The following RAB11FIP3 variants were observed in gnomAD, a reference collection of about 807,000 sequenced individuals.
RAB11FIP3 encodes RAB11 family interacting protein 3.
A neutral mutation model predicts 77.8 loss-of-function variants in RAB11FIP3; 17 were observed. That is an observed-to-expected ratio of 0.22 (90% confidence interval 0.15 to 0.33). The LOEUF is 0.33. Among genes scored for constraint, RAB11FIP3 ranks in the 10% least tolerant of loss-of-function variants. The probability of loss-of-function intolerance (pLI) is 1.00; values close to 1 mark genes in which losing one functional copy is unlikely to be tolerated. For synonymous variants in RAB11FIP3, 437 were observed against 448.2 expected, an observed-to-expected ratio of 0.98 and a Z score of 0.31; for missense variants, 1,005 against 1,011.2, an observed-to-expected ratio of 0.99 and a Z score of 0.08.
At chr16:466,835 G>T (rs2055708836) in intron 2 of RAB11FIP3, among the ~76,000 whole-genome samples, 1 of 152,184 alleles carries the variant, frequency 6.6e-6, no homozygotes, top group African/African-American at 2.4e-5. Flanking sequence ...TGACAGATGG[G>T]CCTGGGAGGG....
At chr16:438,791 G>T (rs569575838) in intron 1 of RAB11FIP3, among the ~76,000 whole-genome samples, 12 of 151,822 alleles carry the variant, frequency 7.9e-5, no homozygotes, top group African/African-American at 2.9e-4. Context: ...CCAGGTTCAA[G>T]TGATTCTCCT....
In RAB11FIP3 at chr16:458,538, GCCCACAGGGCCTGGGGGGCC is replaced by G. The variant is rs1201644804; in HGVS notation, c.715-2865_715-2846del. Among the ~76,000 whole-genome samples, 57 of 143,778 alleles carry G rather than the reference GCCCACAGGGCCTGGGGGGCC, an allele frequency of 4.0e-4. 1 individual carries two copies. The highest frequency in any genetic ancestry group is 1.2e-3 in the African/African-American group (47 of 38,308). 94.3% of individuals were successfully genotyped at this position (143,778 alleles called of 152,430 possible). On this transcript the variant is annotated intron_variant, in intron 1 of 13. Coordinates refer to ENST00000262305, the MANE Select transcript of RAB11FIP3 (RefSeq NM_014700.4). Reference sequence around the variant, plus strand: ...GGGGGCCTTCCTCGGGTTCACCGATGCCCACAGGGCCTGGGGGGCCTTCCTCGGGTTCACCGATGCCCACA... The same window carrying G: ...GGGGGCCTTCCTCGGGTTCACCGATGTTCCTCGGGTTCACCGATGCCCACA...
Position 521,004 on chromosome 16 carries a change from C to G in RAB11FIP3, c.*165C>G. Reference sequence around the variant, plus strand: ...TGGGGCCGCCAAAGACCGGGGCTGCCAAAGGGGCAGAGGGTGGTGGAGAGG... The same window carrying G: ...TGGGGCCGCCAAAGACCGGGGCTGCGAAAGGGGCAGAGGGTGGTGGAGAGG... On this transcript the variant is annotated 3_prime_UTR_variant, in exon 14 of 14. Coordinates refer to ENST00000262305, the MANE Select transcript of RAB11FIP3 (RefSeq NM_014700.4). The G allele has an allele frequency of 1.6e-6, 1 of 643,422 alleles. No homozygotes were observed. The highest frequency in any genetic ancestry group is 2.8e-6 in the Non-Finnish European group (1 of 358,730). 39.9% of individuals were successfully genotyped at this position (643,422 alleles called of 1,614,324 possible).
chr16:502,864 C>A, intron 6 of RAB11FIP3, 140 bp from the exon 7 acceptor site: 1 of 711,458 alleles, frequency 1.4e-6, no homozygotes, highest in Non-Finnish European at 2.5e-6. Context: ...TGGGAGAAGA[C>A]CACCACCCAG....
At chr16:437,158 G>T (rs192001700) in intron 1 of RAB11FIP3, among the ~76,000 whole-genome samples, 1 of 151,880 alleles carries the variant, frequency 6.6e-6, no homozygotes, top group Admixed American at 6.6e-5. Context: ...GGCACCTATA[G>T]TCCCAGCTAC....
intron 1 of RAB11FIP3, among the ~76,000 whole-genome samples, chr16:434,369 G>C (rs6600218): frequency 0.58 from 88,182 of 152,030 alleles, 27,150 homozygotes; most frequent in African/African-American, 0.8. Flanking sequence ...AGTGATCTGC[G>C]TGCCGCAGCC....
chr16:502,835 C>T lies in RAB11FIP3; in HGVS notation c.1302-169C>T, dbSNP rs74003951. 4.6e-3 allele frequency: 2,963 copies of T among 638,864 alleles called. 60 individuals carry two copies. In the African/African-American group the frequency reaches 0.049, roughly 10 times the overall value. The allele number at this position is 638,864 out of a possible 1,614,324, so 39.6% of individuals were successfully genotyped here. On this transcript the variant is annotated intron_variant, in intron 6 of 13. Transcript: ENST00000262305. ...AAGATGTCCAGCCTGGGACCTCCCC[C>T]TGTATATAGTGCTTTAAGTGGGAGA...
In RAB11FIP3 at chr16:506,864, G is replaced by T. The variant is rs1214040186; in HGVS notation, c.1499+1237G>T. ...GTGGAGAGGGGCCAGGCATGCTGGT[G>T]AAGGGGCTGGACTCCCGTAGTGCGC... is the stretch of plus-strand genomic sequence containing the variant. On this transcript the variant is annotated intron_variant, in intron 8 of 13. Transcript: ENST00000262305. The surrounding 1 kb of genome is among the most constrained non-coding windows in gnomAD (Gnocchi z 4.5). Among the ~76,000 whole-genome samples, 1 of 152,344 alleles carries T rather than the reference G, an allele frequency of 6.6e-6. No homozygotes were observed. Among genetic ancestry groups the T allele is most frequent in the East Asian group, 1.9e-4 (1 of 5,182 alleles).
intron 9 of RAB11FIP3, among the ~76,000 whole-genome samples, chr16:517,213 C>T (rs1033080497): frequency 4.6e-5 from 7 of 152,168 alleles, no homozygotes; most frequent in Non-Finnish European, 8.8e-5. Flanking sequence ...TGCTCGACAC[C>T]GTCAAGGTCG....
chr16:485,297 T>C (rs1018944082), intron 4 of RAB11FIP3, among the ~76,000 whole-genome samples: 5 of 152,174 alleles, frequency 3.3e-5, no homozygotes, highest in Admixed American at 3.3e-4. Flanking sequence ...GTCCTCTGTC[T>C]TTTTCTCACT....
intron 8 of RAB11FIP3, 187 bp from the exon 9 acceptor site, chr16:510,473 G>A (rs1054046355): frequency 7.8e-6 from 5 of 642,994 alleles, no homozygotes; most frequent in African/African-American, 3.7e-5. Flanking sequence ...TGTGGGAGGC[G>A]AGGCCATCTG....
chr16:433,644 C>T (rs902806301), intron 1 of RAB11FIP3, among the ~76,000 whole-genome samples: 10 of 150,862 alleles, frequency 6.6e-5, no homozygotes, highest in African/African-American at 1.2e-4. Flanking sequence ...GTCAGGAGAT[C>T]GAGACCATCC....
chr16:428,909 G>C (rs2054993889), intron 1 of RAB11FIP3, among the ~76,000 whole-genome samples: 1 of 152,130 alleles, frequency 6.6e-6, no homozygotes, highest in African/African-American at 2.4e-5. Flanking sequence ...AGCTCTTGAT[G>C]AAATTCGAAG....
chr16:494,061 A>AATG (rs2030874697), intron 5 of RAB11FIP3, among the ~76,000 whole-genome samples: 1 of 70,952 alleles, frequency 1.4e-5, no homozygotes, highest in Non-Finnish European at 2.6e-5. Flanking sequence ...CCATCACCAC[A>AATG]CCTGGCTAAC....
In RAB11FIP3 at chr16:448,146, A is replaced by G. The variant is rs142207827; in HGVS notation, c.715-13258A>G. On this transcript the variant is annotated intron_variant, in intron 1 of 13. Transcript: ENST00000262305. ...CAGCCTGGCCAACATGGTGAAACCAATCTCTACTAAAAATACAAAAATTAG... is the reference window on the plus strand; with the variant it reads ...CAGCCTGGCCAACATGGTGAAACCAGTCTCTACTAAAAATACAAAAATTAG... 4.9e-3 allele frequency among the ~76,000 whole-genome samples: 701 copies of G among 142,898 alleles called. 2 individuals carry two copies. The highest frequency in any genetic ancestry group is 0.017 in the African/African-American group (661 of 38,106). 93.7% of individuals were successfully genotyped at this position (142,898 alleles called of 152,430 possible).
At chr16:452,623 A>G (rs2055427351) in intron 1 of RAB11FIP3, among the ~76,000 whole-genome samples, 1 of 131,004 alleles carries the variant, frequency 7.6e-6, no homozygotes, top group South Asian at 2.8e-4. Context: ...TTTAGTAGAG[A>G]TGGGGTTTCA....
chr16:502,998 C>T lies in RAB11FIP3; in HGVS notation c.1302-6C>T. 6.2e-7 allele frequency: 1 copy of T among 1,605,512 alleles called. No homozygotes were observed. The highest frequency in any genetic ancestry group is 8.5e-7 in the Non-Finnish European group (1 of 1,172,894). On this transcript the variant is annotated splice_region_variant and splice_polypyrimidine_tract_variant and intron_variant, in intron 6 of 13. Coordinates refer to ENST00000262305, the MANE Select transcript of RAB11FIP3 (RefSeq NM_014700.4). ...TCTTCCCTCTGTTGTTGTGCCTTTT[C>T]TGTAGGTACCTGCACCAGTCAGGGG...
intron 3 of RAB11FIP3, among the ~76,000 whole-genome samples, chr16:474,074 G>A (rs1251082403): frequency 1.3e-5 from 2 of 151,922 alleles, no homozygotes; most frequent in African/African-American, 4.8e-5. Context: ...TGAAACTTAT[G>A]GAAAATTTGC....
intron 1 of RAB11FIP3, among the ~76,000 whole-genome samples, chr16:460,439 A>G (rs2055585780): frequency 6.6e-6 from 1 of 152,038 alleles, no homozygotes; most frequent in South Asian, 2.1e-4. Flanking sequence ...AAGCCCAGGT[A>G]TTTTCTGTAA....
Sources: gnomAD v4.1 joint callset for allele counts (sites outside exome capture counted in the v4.1 genomes callset) on GRCh38, gnomAD v4.1.1 for gene constraint, Gnocchi (gnomAD v3.1) non-coding constraint, MANE v1.5 for transcripts, NCBI Gene and HGNC (gene_info 2026-07-23, HGNC 2026-07-21) for gene names.